The following TNRC6B variants were observed in gnomAD, a reference collection of about 807,000 sequenced individuals.
The protein encoded by TNRC6B is trinucleotide repeat containing adaptor 6B.
TNRC6B carries 52 observed loss-of-function variants against 203.6 expected under a neutral mutation model. That is an observed-to-expected ratio of 0.26 (90% CI 0.20 to 0.32). TNRC6B has a LOEUF of 0.32. Among genes scored for constraint, TNRC6B ranks in the 10% least tolerant of loss-of-function variants. TNRC6B has a pLI of 1.00. For synonymous variants in TNRC6B, 838 were observed against 845.7 expected (o/e 0.99, Z 0.16); for missense variants, 1,923 against 2,286.2 (o/e 0.84, Z 3.24).
Position 40,061,035 on chromosome 22 carries a change from T to C in TNRC6B, c.-121+16037T>C, listed in dbSNP as rs2067845709. 2.0e-5 allele frequency among the ~76,000 whole-genome samples: 3 copies of C among 152,342 alleles called. No individual in the cohort carries two copies. In the South Asian group the frequency reaches 6.2e-4, roughly 32 times the overall value. ...GATGCCACCCAAGAGCCAACCTTTT[T>C]GCAAGCCGACTTTTCCAAGGATAGT... On this transcript the variant is annotated intron_variant, in intron 1 of 23. Coordinates refer to the TNRC6B transcript ENST00000301923.
chr22:40,154,593 C>T (rs2068793717), intron 3 of TNRC6B, among the ~76,000 whole-genome samples: 1 of 151,292 alleles, frequency 6.6e-6, no homozygotes. Flanking sequence ...GTAATCCTAG[C>T]ACTTTGGGAG....
chr22:40,191,371 AT>A, intron 1 of TNRC6B, among the ~76,000 whole-genome samples: 1 of 152,064 alleles, frequency 6.6e-6, no homozygotes, highest in African/African-American at 2.4e-5. Flanking sequence ...CATTATTGTT[AT>A]TACTGGAATT....
chr22:40,234,282 A>AAAAC (rs553984505), intron 1 of TNRC6B, among the ~76,000 whole-genome samples: 1 of 152,194 alleles, frequency 6.6e-6, no homozygotes, highest in Non-Finnish European at 1.5e-5. Context: ...ACCCTGTCTC[A>AAAAC]AAACAAACAA....
At chr22:40,121,654 G>A (rs1284160162) in intron 2 of TNRC6B, among the ~76,000 whole-genome samples, 1 of 152,200 alleles carries the variant, frequency 6.6e-6, no homozygotes, top group Non-Finnish European at 1.5e-5. Flanking sequence ...GAGACTGCCT[G>A]CACAGCTGAT....
At chr22:40,264,528 A>G (rs531717503) in intron 4 of TNRC6B, among the ~76,000 whole-genome samples, 160 bp from the exon 5 acceptor site, 59 of 152,322 alleles carry the variant, frequency 3.9e-4, no homozygotes, top group African/African-American at 1.2e-3. Context: ...ATGAAAAAAA[A>G]GAGATGACTA....
intron 2 of TNRC6B, among the ~76,000 whole-genome samples, chr22:40,248,097 A>G (rs980322857): frequency 7.3e-5 from 11 of 151,266 alleles, no homozygotes; most frequent in Admixed American, 7.3e-4. Flanking sequence ...AAAAAACCAT[A>G]GAAGTCAGAT....
At chr22:40,125,709 T>A in intron 2 of TNRC6B, 5 of 1,280,382 alleles carry the variant, frequency 3.9e-6, no homozygotes, top group Non-Finnish European at 5.3e-6. Flanking sequence ...AGTCTAAACC[T>A]TTGAAAAAAA....
At chr22:40,106,359 T>C (rs531109463) in intron 1 of TNRC6B, 108 of 1,206,214 alleles carry the variant, frequency 9.0e-5, no homozygotes, top group Non-Finnish European at 1.2e-4. Flanking sequence ...CTGGTCCTTC[T>C]TGTTGCCAGC....
chr22:40,213,484 A>G (rs2146424572), intron 1 of TNRC6B, among the ~76,000 whole-genome samples: 1 of 152,332 alleles, frequency 6.6e-6, no homozygotes, highest in African/African-American at 2.4e-5. Context: ...GACTTGGCCC[A>G]TCCAGTCACG....
Position 40,178,221 on chromosome 22 carries a change from A to G in TNRC6B, c.5+81A>G. Reference sequence around the variant, plus strand: ...ACCGTTTTCACTGGTGGTGTTGCAAATCGACATTTGTCTAGCATGGAGACT... The same window carrying G: ...ACCGTTTTCACTGGTGGTGTTGCAAGTCGACATTTGTCTAGCATGGAGACT... On this transcript the variant is annotated intron_variant, in intron 1 of 22. Coordinates refer to ENST00000454349, the MANE Select transcript of TNRC6B (RefSeq NM_001162501.2). The G allele has an allele frequency of 3.9e-6, 6 of 1,525,318 alleles. No homozygotes were observed. The South Asian group carries it at 4.6e-5, about 12-fold the overall frequency. 94.5% of individuals were successfully genotyped at this position (1,525,318 alleles called of 1,614,324 possible).
At chr22:40,230,999 T>C (rs1246625583) in intron 1 of TNRC6B, among the ~76,000 whole-genome samples, 1 of 152,174 alleles carries the variant, frequency 6.6e-6, no homozygotes, top group Non-Finnish European at 1.5e-5. Flanking sequence ...ACACTCTCTT[T>C]TCTCAGCTAA....
intron 1 of TNRC6B, among the ~76,000 whole-genome samples, chr22:40,075,154 A>ATTTTTT (rs1181613595): frequency 4.2e-4 from 23 of 55,354 alleles, no homozygotes; most frequent in African/African-American, 1.4e-3. Context: ...ATATATATAT[A>ATTTTTT]TATTTTTTTT....
At chr22:40,058,454 T>C (rs1273743493) in intron 1 of TNRC6B, among the ~76,000 whole-genome samples, 1 of 147,952 alleles carries the variant, frequency 6.8e-6, no homozygotes, top group African/African-American at 2.7e-5. Flanking sequence ...TTTAGCACAT[T>C]GTGGCGCCAG....
At position 40,335,448 on chromosome 22, in the gene TNRC6B, G is replaced by C. The variant is rs1308295404; in HGVS notation, c.*12207G>C. The C allele has an allele frequency of 1.4e-5, 2 of 148,110 alleles. No individual in the cohort carries two copies. Among genetic ancestry groups the C allele is most frequent in the Non-Finnish European group, 3.0e-5 (2 of 67,366 alleles). 9.2% of individuals were successfully genotyped at this position (148,110 alleles called of 1,614,324 possible). On this transcript the variant is annotated 3_prime_UTR_variant, in exon 23 of 23. Coordinates refer to ENST00000454349, the MANE Select transcript of TNRC6B (RefSeq NM_001162501.2). ...CATTTTATGTGTATTTTTTGCCATA[G>C]CAGGTACTGTATTTCTCATGCTGGA... is the stretch of plus-strand genomic sequence containing the variant.
chr22:40,182,339 T>G (rs17421384), intron 1 of TNRC6B, among the ~76,000 whole-genome samples: 2,240 of 152,366 alleles, frequency 0.015, 21 homozygotes, highest in Non-Finnish European at 0.024. Context: ...AAGTGGAACT[T>G]GTTTCTGTCT....
intron 1 of TNRC6B, among the ~76,000 whole-genome samples, chr22:40,115,731 A>C (rs1011526447): frequency 1.3e-5 from 2 of 152,146 alleles, no homozygotes; most frequent in Non-Finnish European, 2.9e-5. Flanking sequence ...CACCTAAAGG[A>C]AAAGGGGAAG....
At chr22:40,161,479 C>T (rs2068871141) in intron 4 of TNRC6B, among the ~76,000 whole-genome samples, 2 of 152,116 alleles carry the variant, frequency 1.3e-5, no homozygotes, top group South Asian at 2.1e-4. Flanking sequence ...TCTTTATCTC[C>T]CCATTTAACG....
chr22:40,075,148 ATATATATATTTTT>A (rs1009391653), intron 1 of TNRC6B, among the ~76,000 whole-genome samples: 1 of 70,060 alleles, frequency 1.4e-5, no homozygotes, highest in African/African-American at 1.0e-4. Context: ...ATATATATAT[ATATATATATTTTT>A]TTTTTTTTTT....
intron 6 of TNRC6B, among the ~76,000 whole-genome samples, chr22:40,272,023 C>T (rs2070571261): frequency 6.6e-6 from 1 of 152,060 alleles, no homozygotes; most frequent in Non-Finnish European, 1.5e-5. Context: ...ACTTGCATGT[C>T]TTCATTTTTC....
Sources: gnomAD v4.1 joint callset for allele counts (sites outside exome capture counted in the v4.1 genomes callset) on GRCh38, gnomAD v4.1.1 for gene constraint, MANE v1.5 for transcripts, NCBI Gene and HGNC (gene_info 2026-07-23, HGNC 2026-07-21) for gene names.